Variants in SEMA5B observed in about 807,000 individuals in gnomAD.
SEMA5B encodes semaphorin 5B.
SEMA5B carries 66 observed loss-of-function variants against 135.0 expected under a neutral mutation model. The observed-to-expected ratio is 0.49, with a 90% CI of 0.40 to 0.60. The LOEUF (loss-of-function observed/expected upper bound fraction) is 0.60. Ranked by LOEUF, SEMA5B falls within the 20% of genes least tolerant of loss-of-function variation. The probability of loss-of-function intolerance (pLI) is 0.00; values close to 1 mark genes in which losing one functional copy is unlikely to be tolerated. For missense variants in SEMA5B, 1,501 were observed against 1,566.3 expected (o/e 0.96, Z 0.70); for synonymous variants, 690 against 639.5 (o/e 1.08, Z -1.19).
chr3:122,923,351 C>T (rs1337560442), intron 10 of SEMA5B, among the ~76,000 whole-genome samples: 1 of 152,218 alleles, frequency 6.6e-6, no homozygotes, highest in Non-Finnish European at 1.5e-5. Flanking sequence ...GAGCTGAGGT[C>T]CCACTTCCCT....
chr3:123,016,406 A>G (rs1942557827), intron 1 of SEMA5B, among the ~76,000 whole-genome samples: 1 of 152,204 alleles, frequency 6.6e-6, no homozygotes, highest in Non-Finnish European at 1.5e-5. Flanking sequence ...GTGTTTGCCT[A>G]TAACCTACAC....
At chr3:122,943,666 C>T in intron 3 of SEMA5B, 131 bp from the exon 4 acceptor site, 1 of 629,748 alleles carries the variant, frequency 1.6e-6, no homozygotes, top group Non-Finnish European at 2.8e-6. Flanking sequence ...GACCTGGTGC[C>T]ACCTGCCCAC....
chr3:122,923,415 C>T (rs141702766), intron 10 of SEMA5B, among the ~76,000 whole-genome samples: 289 of 152,294 alleles, frequency 1.9e-3, no homozygotes, highest in Non-Finnish European at 3.4e-3. Context: ...CATGCTTCCT[C>T]GCACTGCCCC....
chr3:122,919,614 A>G (rs1479247944), intron 12 of SEMA5B, among the ~76,000 whole-genome samples: 1 of 151,922 alleles, frequency 6.6e-6, no homozygotes, highest in Non-Finnish European at 1.5e-5. Context: ...TTGTGACAAC[A>G]CTCCCCACAG....
At chr3:122,925,238 T>G (rs546568669) in intron 9 of SEMA5B, among the ~76,000 whole-genome samples, 1 of 151,974 alleles carries the variant, frequency 6.6e-6, no homozygotes, top group South Asian at 2.1e-4. Context: ...AGTGCCTTCC[T>G]TGGTCTCGGT....
At chr3:122,994,627 T>C (rs1341963240) in intron 1 of SEMA5B, among the ~76,000 whole-genome samples, 4 of 152,290 alleles carry the variant, frequency 2.6e-5, no homozygotes, top group East Asian at 1.9e-4. Flanking sequence ...CTAAGGGTTA[T>C]TGGCTTGACC....
At position 122,910,250 on chromosome 3, in the gene SEMA5B, A is replaced by G; in HGVS notation, c.3349T>C (p.Leu1117=). The G allele has an allele frequency of 6.2e-7, 1 of 1,614,202 alleles. No homozygotes were observed. Among genetic ancestry groups the G allele is most frequent in the Non-Finnish European group, 8.5e-7 (1 of 1,180,020 alleles). The change falls in exon 23 of 23, where the codon TTG becomes CTG. Residue 1117 remains leucine (L), a synonymous_variant. Transcript: ENST00000357599. The part of the protein sequence containing the change: ...IPDDRANFYP[L]QQTNVYTTTY... ...GTCGTGTACACATTGGTCTGCTGCA[A>G]TGGGTAGAAGTTGGCTCTGTCATCA...
At chr3:122,996,957 C>T (rs77513486) in intron 1 of SEMA5B, among the ~76,000 whole-genome samples, 9,306 of 152,282 alleles carry the variant, frequency 0.061, 324 homozygotes, top group South Asian at 0.14. Context: ...CTGGTCCACC[C>T]TTGGGTTCTT....
chr3:122,935,686 C>CTTTTTTTTTTTTTTTTTTTTTT lies in SEMA5B; in HGVS notation c.474+3717_474+3738dup, dbSNP rs147968317. 4.7e-4 allele frequency among the ~76,000 whole-genome samples: 33 copies of CTTTTTTTTTTTTTTTTTTTTTT among 70,250 alleles called. 1 individual carries two copies. Among genetic ancestry groups the CTTTTTTTTTTTTTTTTTTTTTT allele is most frequent in the East Asian group, 2.0e-3 (5 of 2,508 alleles). 46.1% of individuals were successfully genotyped at this position (70,250 alleles called of 152,430 possible). A position where few individuals can be genotyped will look rare whatever the true frequency, so the allele number is the denominator to read the frequency against. On this transcript the variant is annotated intron_variant, in intron 5 of 22. Transcript: ENST00000357599. ...CACTTTTTTTTCTTTTTCTTTCTTT[C>CTTTTTTTTTTTTTTTTTTTTTT]TTTTTTTTTTTTTTTTTTTTTTTTG...
intron 1 of SEMA5B, among the ~76,000 whole-genome samples, chr3:122,981,009 C>T (rs573497201): frequency 3.9e-5 from 6 of 152,328 alleles, no homozygotes; most frequent in South Asian, 2.1e-4. Flanking sequence ...TTTTAAAGCA[C>T]GTCACCAGGT....
At chr3:123,022,763 G>A (rs147958122) in intron 1 of SEMA5B, among the ~76,000 whole-genome samples, 1 of 152,206 alleles carries the variant, frequency 6.6e-6, no homozygotes, top group Admixed American at 6.5e-5. Context: ...ATTCTGCAAG[G>A]TTTGGGTTTC....
chr3:122,976,134 C>A, intron 1 of SEMA5B: 1 of 1,535,212 alleles, frequency 6.5e-7, no homozygotes, highest in Non-Finnish European at 8.7e-7. Flanking sequence ...GTGGTTTATA[C>A]ACTCTCATCA....
Position 122,923,730 on chromosome 3 carries a change from C to G in SEMA5B, c.1159G>C (p.Val387Leu), listed in dbSNP as rs768490116. 20 of 1,614,026 alleles carry G rather than the reference C, an allele frequency of 1.2e-5. No individual in the cohort carries two copies. Among genetic ancestry groups the G allele is most frequent in the Non-Finnish European group, 5.1e-6 (6 of 1,180,020 alleles). The stretch of plus-strand genomic sequence containing the variant: ...ATAGCACTGAGGTTGAAGGCGCAGA[C>G]AGCAGAAGCCGCGATGCTGTTTCTG... ...TNVNSIAASA[V>L]CAFNLSAISQ... is the part of the protein sequence containing the mutation. The change falls in exon 10 of 23, where the codon GTC becomes CTC. Residue 387 changes from valine (V) to leucine (L), a missense_variant. Val to Leu is a conservative substitution (Grantham distance 32). Transcript: ENST00000357599.
At chr3:122,946,201 C>A (rs955645095) in intron 3 of SEMA5B, among the ~76,000 whole-genome samples, 1 of 152,192 alleles carries the variant, frequency 6.6e-6, no homozygotes, top group African/African-American at 2.4e-5. Flanking sequence ...GCTGGCTTCT[C>A]CTGCTGCCTG....
intron 22 of SEMA5B, 82 bp downstream of exon 22, chr3:122,910,758 C>T (rs551525977): frequency 2.2e-5 from 25 of 1,155,366 alleles, no homozygotes; most frequent in South Asian, 8.4e-5. Flanking sequence ...TGCAATGAGC[C>T]GAGATCCCAC....
chr3:122,910,874 G>A lies in SEMA5B; in HGVS notation c.3263C>T (p.Pro1088Leu), dbSNP rs369049996. The A allele has an allele frequency of 3.4e-5, 55 of 1,612,902 alleles. 1 individual carries two copies. The highest frequency in any genetic ancestry group is 4.2e-5 in the Non-Finnish European group (50 of 1,179,886). The change falls in exon 22 of 23, where the codon CCG (proline) becomes CTG (leucine). Residue 1088 changes from proline (P) to leucine (L), a missense_variant. By Grantham distance (98) the Pro-to-Leu change is moderately conservative (BLOSUM62 -3). Transcript: ENST00000357599. ...NHLHYKGGGT[P>L]KNEKYTPMEF... Reference sequence around the variant, plus strand: ...CATGGGTGTGTACTTTTCATTCTTCGGGGTGCCTCCGCCCTTGTAGTGCAA... The same window carrying A: ...CATGGGTGTGTACTTTTCATTCTTCAGGGTGCCTCCGCCCTTGTAGTGCAA...
At position 122,980,015 on chromosome 3, in the gene SEMA5B, T is replaced by A. The variant is rs530894840; in HGVS notation, c.-38-18714A>T. Among the ~76,000 whole-genome samples the A allele has an allele frequency of 7.9e-5, 12 of 152,348 alleles. No homozygotes were observed. The South Asian group carries it at 2.5e-3, about 32-fold the overall frequency. On this transcript the variant is annotated intron_variant, in intron 1 of 22. Coordinates refer to ENST00000357599, the MANE Select transcript of SEMA5B (RefSeq NM_001031702.4). ...CATTTCATCACTTGGAAGCTGCTGA[T>A]GTTACCCACATTTTGTACTGGACTC...
At position 122,919,493 on chromosome 3, in the gene SEMA5B, C is replaced by T. The variant is rs367618849; in HGVS notation, c.1688+2422G>A. 1.2e-4 allele frequency among the ~76,000 whole-genome samples: 18 copies of T among 152,228 alleles called. No homozygotes were observed. The East Asian group carries it at 3.5e-3, about 29-fold the overall frequency. On this transcript the variant is annotated intron_variant, in intron 12 of 22. Transcript: ENST00000357599. ...TTGGAGATAACCCCTGGATCCTGGG[C>T]AGAGGAGGGAGCCTGAAGAGGCCTC...
At chr3:122,934,583 A>T (rs918085832) in intron 5 of SEMA5B, among the ~76,000 whole-genome samples, 9 of 152,240 alleles carry the variant, frequency 5.9e-5, no homozygotes, top group Admixed American at 2.0e-4. Context: ...TTAAAGAGAC[A>T]TATCAACAAA....
Sources: allele counts gnomAD v4.1 joint callset (sites outside exome capture counted in the v4.1 genomes callset), GRCh38; gene constraint gnomAD v4.1.1; transcripts MANE v1.5; gene names NCBI Gene and HGNC (gene_info 2026-07-23, HGNC 2026-07-21).